SLC4A10: variants seen among roughly 807,000 people sequenced by gnomAD.
SLC4A10 encodes solute carrier family 4 member 10, also known as sodium-driven chloride bicarbonate exchanger.
A neutral mutation model predicts 137.7 loss-of-function variants in SLC4A10; 42 were observed. The ratio of observed to expected loss-of-function variants is 0.30; its 90% confidence interval spans 0.24 to 0.39. The LOEUF is 0.39. SLC4A10 is among the 10% of genes least tolerant of loss of function. The pLI, the probability that SLC4A10 is intolerant of heterozygous loss-of-function variation, is 1.00. For synonymous variants in SLC4A10, 474 were observed against 464.1 expected, an observed-to-expected ratio of 1.02 and a Z score of -0.27; for missense variants, 925 against 1,355.0, an observed-to-expected ratio of 0.68 and a Z score of 4.98.
At chr2:161,752,380 T>C (rs568066663) in intron 1 of SLC4A10, among the ~76,000 whole-genome samples, 24 of 152,146 alleles carry the variant, frequency 1.6e-4, no homozygotes, top group African/African-American at 5.5e-4. Context: ...CCTTGCCATA[T>C]CCTTCTTAAG....
chr2:161,694,940 T>C (rs1323682845), intron 1 of SLC4A10, among the ~76,000 whole-genome samples: 1 of 151,976 alleles, frequency 6.6e-6, no homozygotes, highest in African/African-American at 2.4e-5. Flanking sequence ...ATAATCAAAG[T>C]TATTATGGCC....
At chr2:161,833,602 C>T (rs1372079063) in intron 3 of SLC4A10, among the ~76,000 whole-genome samples, 1 of 152,202 alleles carries the variant, frequency 6.6e-6, no homozygotes, top group Non-Finnish European at 1.5e-5. Flanking sequence ...GCAGGTACAT[C>T]TATCTAGTCT....
intron 1 of SLC4A10, among the ~76,000 whole-genome samples, chr2:161,769,138 C>T (rs1471600069): frequency 6.6e-6 from 1 of 152,022 alleles, no homozygotes; most frequent in African/African-American, 2.4e-5. Flanking sequence ...CTTGTTTTAG[C>T]CGACTAACCA....
At position 161,702,954 on chromosome 2, in the gene SLC4A10, G is replaced by C. The variant is rs896721644; in HGVS notation, c.49-68019G>C. On this transcript the variant is annotated intron_variant, in intron 1 of 26. Coordinates refer to ENST00000446997, the MANE Select transcript of SLC4A10 (RefSeq NM_001178015.2). Reference sequence around the variant, plus strand: ...AGTTAATTTAAACCTTTGTGTTAATGTATGCCTACCTTTCCTTTTCCATTT... The same window carrying C: ...AGTTAATTTAAACCTTTGTGTTAATCTATGCCTACCTTTCCTTTTCCATTT... Among the ~76,000 whole-genome samples the C allele has an allele frequency of 7.9e-5, 12 of 151,912 alleles. No homozygotes were observed. In the South Asian group the frequency reaches 2.3e-3, roughly 29 times the overall value.
At chr2:161,909,905 C>A (rs779410337) in intron 15 of SLC4A10, among the ~76,000 whole-genome samples, 2 of 152,090 alleles carry the variant, frequency 1.3e-5, no homozygotes, top group Non-Finnish European at 2.9e-5. Context: ...CCTTTTCACA[C>A]TGAATCAGTG....
At chr2:161,744,903 A>C (rs1379655865) in intron 1 of SLC4A10, among the ~76,000 whole-genome samples, 1 of 152,136 alleles carries the variant, frequency 6.6e-6, no homozygotes, top group African/African-American at 2.4e-5. Flanking sequence ...CAGTGTTGTA[A>C]TATCCTGTAT....
chr2:161,853,054 G>T (rs7564535), intron 4 of SLC4A10, among the ~76,000 whole-genome samples: 3 of 151,994 alleles, frequency 2.0e-5, no homozygotes, highest in Non-Finnish European at 4.4e-5. Context: ...TGTGACTATG[G>T]CCTTATTCTC....
intron 1 of SLC4A10, among the ~76,000 whole-genome samples, chr2:161,768,850 C>T (rs2051214346): frequency 6.6e-6 from 1 of 151,890 alleles, no homozygotes; most frequent in Admixed American, 6.6e-5. Context: ...TTTTAGGATT[C>T]CAGTTTGATG....
chr2:161,843,459 A>T (rs1194531116), intron 4 of SLC4A10, among the ~76,000 whole-genome samples: 2 of 152,186 alleles, frequency 1.3e-5, no homozygotes, highest in Non-Finnish European at 2.9e-5. Context: ...AATCTAATGC[A>T]TGCTATAGCT....
At chr2:161,889,425 GT>G (rs1453791584) in intron 10 of SLC4A10, among the ~76,000 whole-genome samples, 1 of 152,032 alleles carries the variant, frequency 6.6e-6, no homozygotes, top group African/African-American at 2.4e-5. Context: ...GCTTTTTTTG[GT>G]TGGTAGGCTA....
intron 1 of SLC4A10, among the ~76,000 whole-genome samples, chr2:161,729,738 A>G (rs1437265651): frequency 6.6e-6 from 1 of 152,190 alleles, no homozygotes; most frequent in Non-Finnish European, 1.5e-5. Context: ...TTTCTAGAGA[A>G]GTTGATGCAA....
At chr2:161,965,764 A>G (rs1456619803) in intron 23 of SLC4A10, among the ~76,000 whole-genome samples, 3 of 152,166 alleles carry the variant, frequency 2.0e-5, no homozygotes, top group South Asian at 2.1e-4. Context: ...TCTATTTTAT[A>G]TGGTATAACA....
rs963833672 is a variant in SLC4A10 at position 161,964,322 on chromosome 2, G to A, written c.3036+14G>A. 1 of 1,612,334 alleles carries A rather than the reference G, an allele frequency of 6.2e-7. No homozygotes were observed. The highest frequency in any genetic ancestry group is 8.5e-7 in the Non-Finnish European group (1 of 1,179,112). On this transcript the variant is annotated intron_variant, in intron 22 of 26. Coordinates refer to ENST00000446997, the MANE Select transcript of SLC4A10 (RefSeq NM_001178015.2). The stretch of plus-strand genomic sequence containing the variant: ...TTTCCCATGATGGTATGAAACTTCT[G>A]TCAACTATTTTTCTCTTTCTCTGAT...
intron 2 of SLC4A10, among the ~76,000 whole-genome samples, chr2:161,796,648 A>G (rs529598687): frequency 6.6e-6 from 1 of 152,348 alleles, no homozygotes. Flanking sequence ...AAGAGAATCT[A>G]CCACATTATC....
intron 1 of SLC4A10, among the ~76,000 whole-genome samples, chr2:161,699,701 A>AAAGGGAGGTGGAACCAAAAGCATGTAATC (rs2042936552): frequency 6.6e-6 from 1 of 152,168 alleles, no homozygotes; most frequent in Non-Finnish European, 1.5e-5. Context: ...GGGCTTTGAG[A>AAAGGGAGGTGGAACCAAAAGCATGTAATC]AAGGGAGGTG....
At chr2:161,825,139 G>A (rs770245160) in intron 3 of SLC4A10, among the ~76,000 whole-genome samples, 3 of 152,076 alleles carry the variant, frequency 2.0e-5, no homozygotes, top group Non-Finnish European at 4.4e-5. Flanking sequence ...TAAGGCACCT[G>A]GTCAACAGTA....
At chr2:161,807,404 C>G (rs1276709136) in intron 3 of SLC4A10, among the ~76,000 whole-genome samples, 1 of 152,108 alleles carries the variant, frequency 6.6e-6, no homozygotes, top group African/African-American at 2.4e-5. Context: ...AGTTCCTTGA[C>G]CATCCCATCT....
intron 4 of SLC4A10, among the ~76,000 whole-genome samples, chr2:161,853,947 A>T (rs1223144876): frequency 2.0e-5 from 3 of 152,102 alleles, no homozygotes; most frequent in Non-Finnish European, 4.4e-5. Flanking sequence ...AATCCACTTG[A>T]TTCCCTAACT....
At chr2:161,637,024 T>A (rs2034501015) in intron 1 of SLC4A10, among the ~76,000 whole-genome samples, 1 of 147,904 alleles carries the variant, frequency 6.8e-6, no homozygotes, top group Non-Finnish European at 1.5e-5. Context: ...GGCCTACATT[T>A]TTTAAAAATT....
Sources: allele counts gnomAD v4.1 joint callset (sites outside exome capture counted in the v4.1 genomes callset), GRCh38; gene constraint gnomAD v4.1.1; transcripts MANE v1.5; gene names NCBI Gene and HGNC (gene_info 2026-07-23, HGNC 2026-07-21).